Variants in GPC3 observed in about 807,000 individuals in gnomAD.
GPC3 encodes the protein glypican-3.
GPC3 carries 3 observed loss-of-function variants against 34.4 expected under a neutral mutation model. That is an observed-to-expected ratio of 0.09 (90% CI 0.04 to 0.23). GPC3 has a LOEUF of 0.23. GPC3 is among the 10% of genes least tolerant of loss of function. The pLI is 1.00. For missense variants in GPC3, 351 were observed against 445.6 expected (o/e 0.79, Z 1.91); for synonymous variants, 177 against 174.0 (o/e 1.02, Z -0.13).
intron 5 of GPC3, among the ~76,000 whole-genome samples, chrX:133,690,113 T>TA (rs905756390): frequency 1.8e-5 from 2 of 111,787 alleles, no homozygotes; most frequent in Non-Finnish European, 3.8e-5. Context: ...CAGGCTGATT[T>TA]ACATTTGCCA....
chrX:133,806,781 T>C (rs982531332), intron 2 of GPC3, among the ~76,000 whole-genome samples: 12 of 110,065 alleles, frequency 1.1e-4, no homozygotes, highest in African/African-American at 4.0e-4. Flanking sequence ...CCCGAGTAGC[T>C]GGGACTACAG....
intron 2 of GPC3, among the ~76,000 whole-genome samples, chrX:133,776,519 G>C (rs776046501): frequency 8.9e-6 from 1 of 112,097 alleles, no homozygotes; most frequent in South Asian, 3.7e-4. Context: ...CAAGTGAAGA[G>C]CCTCTCCATT....
intron 5 of GPC3, among the ~76,000 whole-genome samples, chrX:133,670,573 T>G (rs893424479): frequency 8.0e-5 from 9 of 111,951 alleles, no homozygotes; most frequent in South Asian, 3.8e-4. Context: ...ATGTTAGAGA[T>G]CTCACATTCT....
chrX:133,715,781 T>G (rs2071307614), intron 3 of GPC3, among the ~76,000 whole-genome samples: 1 of 111,032 alleles, frequency 9.0e-6, no homozygotes, highest in Non-Finnish European at 1.9e-5. Flanking sequence ...CTATAAAAGC[T>G]ACATATTCCT....
intron 2 of GPC3, among the ~76,000 whole-genome samples, chrX:133,932,700 G>A (rs186527253): frequency 2.9e-4 from 32 of 111,324 alleles, no homozygotes; most frequent in African/African-American, 9.5e-4. Context: ...CTGTTTGGGA[G>A]GCATAGACCC....
chrX:133,600,271 G>T lies in GPC3; in HGVS notation c.1414-3672C>A, dbSNP rs755943642. ...ACCTTATGAAAAAGGAGAAAGTCAA[G>T]GCCCAGATTAATTATAGAAGAAGAA... On this transcript the variant is annotated intron_variant, in intron 6 of 7. Coordinates refer to ENST00000370818, the MANE Select transcript of GPC3 (RefSeq NM_004484.4). Among the ~76,000 whole-genome samples the T allele has an allele frequency of 2.7e-5, 3 of 111,677 alleles. No individual in the cohort carries two copies. The South Asian group carries it at 1.1e-3, about 42-fold the overall frequency.
chrX:133,716,834 G>C (rs896654204), intron 3 of GPC3, among the ~76,000 whole-genome samples: 5 of 112,064 alleles, frequency 4.5e-5, no homozygotes, highest in African/African-American at 1.6e-4. Context: ...AAGAAACTCA[G>C]TGAATTCCAA....
chrX:133,897,719 A>G (rs2076124665), intron 2 of GPC3, among the ~76,000 whole-genome samples: 1 of 111,342 alleles, frequency 9.0e-6, no homozygotes, highest in African/African-American at 3.3e-5. Context: ...AAATCACTTT[A>G]GCCTCAAATA....
intron 6 of GPC3, among the ~76,000 whole-genome samples, chrX:133,660,969 G>C (rs2070711083): frequency 1.8e-5 from 2 of 110,963 alleles, no homozygotes; most frequent in Admixed American, 9.6e-5. Context: ...AGGAGTTTGA[G>C]ACCAGCCTGG....
intron 7 of GPC3, among the ~76,000 whole-genome samples, chrX:133,579,534 T>C (rs1271545065): frequency 8.9e-6 from 1 of 112,331 alleles, no homozygotes; most frequent in Non-Finnish European, 1.9e-5. Context: ...CTGAACTGAA[T>C]TTTTCATTTT....
At chrX:133,854,421 A>C (rs2075890328) in intron 2 of GPC3, among the ~76,000 whole-genome samples, 1 of 111,930 alleles carries the variant, frequency 8.9e-6, no homozygotes, top group Non-Finnish European at 1.9e-5. Flanking sequence ...ACACTGTGTT[A>C]GGCAATAGGC....
intron 2 of GPC3, among the ~76,000 whole-genome samples, chrX:133,936,279 G>T (rs2076323365): frequency 9.2e-6 from 1 of 108,267 alleles, no homozygotes; most frequent in Non-Finnish European, 1.9e-5. Context: ...TTACAGGAGT[G>T]AGCCACCTTG....
At chrX:133,972,847 AG>A (rs1208243832) in intron 1 of GPC3, among the ~76,000 whole-genome samples, 1 of 111,637 alleles carries the variant, frequency 9.0e-6, no homozygotes, top group Non-Finnish European at 1.9e-5. Context: ...GGATGGGAAA[AG>A]AAAATAATGG....
At chrX:133,734,387 T>C (rs939086735) in intron 3 of GPC3, among the ~76,000 whole-genome samples, 1 of 111,237 alleles carries the variant, frequency 9.0e-6, no homozygotes, top group Admixed American at 9.6e-5. Context: ...CAAAGGAACT[T>C]CCTCAACTTG....
At chrX:133,837,128 G>C (rs890985575) in intron 2 of GPC3, among the ~76,000 whole-genome samples, 5 of 111,653 alleles carry the variant, frequency 4.5e-5, no homozygotes, top group African/African-American at 1.6e-4. Flanking sequence ...TGAGCCCCCT[G>C]AGCTTGGGGT....
At chrX:133,579,379 G>C (rs2069714319) in intron 7 of GPC3, among the ~76,000 whole-genome samples, 1 of 111,870 alleles carries the variant, frequency 8.9e-6, no homozygotes, top group Admixed American at 9.4e-5. Flanking sequence ...TTTTTGTATG[G>C]CCAGGGCCAT....
chrX:133,773,259 T>A (rs1174936171), intron 2 of GPC3, among the ~76,000 whole-genome samples: 1 of 110,726 alleles, frequency 9.0e-6, no homozygotes, highest in Admixed American at 9.7e-5. Context: ...ACCATGAAAA[T>A]TTTTATTTTT....
chrX:133,688,753 T>C (rs2071033228), intron 5 of GPC3, among the ~76,000 whole-genome samples: 1 of 111,163 alleles, frequency 9.0e-6, no homozygotes, highest in Non-Finnish European at 1.9e-5. Flanking sequence ...CACTGGACAA[T>C]AGGAAGTGGT....
At chrX:133,972,788 A>G (rs1240224972) in intron 1 of GPC3, among the ~76,000 whole-genome samples, 1 of 111,939 alleles carries the variant, frequency 8.9e-6, no homozygotes, top group Non-Finnish European at 1.9e-5. Flanking sequence ...TGCCAGACAG[A>G]GATACCATCA....
Sources: allele counts gnomAD v4.1 joint callset (sites outside exome capture counted in the v4.1 genomes callset), GRCh38; gene constraint gnomAD v4.1.1; transcripts MANE v1.5; gene names NCBI Gene and HGNC (gene_info 2026-07-23, HGNC 2026-07-21).